Variants in BEST3 observed in about 807,000 individuals in gnomAD.
The protein encoded by BEST3 is bestrophin 3.
BEST3 carries 50 observed loss-of-function variants against 47.1 expected under a neutral mutation model. The ratio of observed to expected loss-of-function variants is 1.06; its 90% CI spans 0.85 to 1.34. BEST3 has a LOEUF of 1.34. Among genes scored for constraint, BEST3 ranks in the 40% most tolerant of loss-of-function variants. The pLI, the probability that BEST3 is intolerant of heterozygous loss-of-function variation, is 0.00. For missense variants in BEST3, 765 were observed against 817.0 expected, an observed-to-expected ratio of 0.94 and a Z score of 0.78; for synonymous variants, 282 against 298.8, an observed-to-expected ratio of 0.94 and a Z score of 0.58.
chr12:69,693,900 A>G lies in BEST3; in HGVS notation c.255T>C (p.Tyr85=), dbSNP rs1398510565. The G allele has an allele frequency of 6.2e-7, 1 of 1,604,768 alleles. No individual in the cohort carries two copies. Among genetic ancestry groups the G allele is most frequent in the East Asian group, 2.2e-5 (1 of 44,680 alleles). The change falls in exon 4 of 10, where the codon TAT becomes TAC. Residue 85 remains tyrosine (Y), a synonymous_variant. Transcript: ENST00000330891. The part of the protein sequence containing the change: ...QIPVTFVLGF[Y]VTLVVNRWWN... ...ACCATCGGTTCACTACCAGAGTAAC[A>G]TAAAACCCTGTAGAATAACAGGAAA...
chr12:69,651,273 C>T (rs966028512), downstream of BEST3, among the ~76,000 whole-genome samples: 7 of 152,166 alleles, frequency 4.6e-5, no homozygotes, highest in Non-Finnish European at 1.0e-4. Flanking sequence ...CCTCCTCTCA[C>T]GATGCCTCAT....
In BEST3 at chr12:69,677,249, A is replaced by G. The variant is rs1455160214; in HGVS notation, c.645T>C (p.Asn215=). 1 of 1,611,532 alleles carries G rather than the reference A, an allele frequency of 6.2e-7. No homozygotes were observed. Among genetic ancestry groups the G allele is most frequent in the East Asian group, 2.2e-5 (1 of 44,774 alleles). ...AGAGGCTGCACCAAGAGCGGTATCG[A>G]TTCATTTCCTAAGCCAGAAACAGAT... is the stretch of plus-strand genomic sequence containing the variant. ...VDLQSLMTEM[N]RYRSWCSLLF... is the part of the protein sequence containing the mutation. The change falls in exon 6 of 10, where the codon AAT becomes AAC. Residue 215 remains asparagine (N), a synonymous_variant. Coordinates refer to ENST00000330891, the MANE Select transcript of BEST3 (RefSeq NM_032735.3).
At chr12:69,669,244 G>C (rs150572960) in intron 9 of BEST3, among the ~76,000 whole-genome samples, 194 of 152,282 alleles carry the variant, frequency 1.3e-3, no homozygotes, top group African/African-American at 4.5e-3. Context: ...TTTTCCTGCA[G>C]TAAATTTTCC....
rs1883402384 is a variant in BEST3 at position 69,655,363 on chromosome 12, G to A, written c.1551C>T (p.Gly517=). ...AAEAPVPTSG[G]YHHDSATSIL... ...TGGAGGTAGCGGAATCATGGTGGTA[G>A]CCCCCTGATGTGGGCACTGGTGCTT... The change falls in exon 10 of 10, where the codon GGC becomes GGT. Residue 517 remains glycine, a synonymous_variant. Transcript: ENST00000330891. The A allele has an allele frequency of 3.1e-6, 5 of 1,614,142 alleles. No individual in the cohort carries two copies. Among genetic ancestry groups the A allele is most frequent in the Non-Finnish European group, 4.2e-6 (5 of 1,180,024 alleles).
At chr12:69,645,655 A>C (rs1280536615) in intron 9 of BEST3, among the ~76,000 whole-genome samples, 1 of 152,196 alleles carries the variant, frequency 6.6e-6, no homozygotes, top group African/African-American at 2.4e-5. Flanking sequence ...TTGAAATTTT[A>C]ATTGTTGTGT....
At chr12:69,670,565 T>C in intron 9 of BEST3, 1 of 702,636 alleles carries the variant, frequency 1.4e-6, no homozygotes, top group South Asian at 1.5e-5. Flanking sequence ...GGAACAGGGT[T>C]GAAGCGAGAT....
At position 69,653,988 on chromosome 12, in the gene BEST3, C is replaced by T. The variant is rs1435755782; in HGVS notation, c.*919G>A. The T allele has an allele frequency of 1.3e-5, 13 of 985,256 alleles. No homozygotes were observed. Among genetic ancestry groups the T allele is most frequent in the Non-Finnish European group, 1.3e-5 (11 of 829,952 alleles). 61.0% of individuals were successfully genotyped at this position (985,256 alleles called of 1,614,324 possible). A position where few individuals can be genotyped will look rare whatever the true frequency, so the allele number is the denominator to read the frequency against. Reference sequence around the variant, plus strand: ...TCTTGGCTTCGTTTTTCTCCAGTGCCCAACACCAAATAGTGGAAGCAGAAA... The same window carrying T: ...TCTTGGCTTCGTTTTTCTCCAGTGCTCAACACCAAATAGTGGAAGCAGAAA... On this transcript the variant is annotated 3_prime_UTR_variant, in exon 10 of 10. Coordinates refer to ENST00000330891, the MANE Select transcript of BEST3 (RefSeq NM_032735.3).
chr12:69,661,563 AG>A (rs1464251831), intron 9 of BEST3: 4 of 152,170 alleles, frequency 2.6e-5, no homozygotes, highest in Non-Finnish European at 4.4e-5. Context: ...AACCCATCTG[AG>A]GCGCATGCGG....
chr12:69,670,473 A>G (rs1884493690), intron 9 of BEST3: 1 of 702,908 alleles, frequency 1.4e-6, no homozygotes, highest in South Asian at 1.5e-5. Context: ...TGGGTCTGGA[A>G]AGGTTTTCAG....
intron 4 of BEST3, among the ~76,000 whole-genome samples, chr12:69,681,189 T>C (rs1056345651): frequency 1.3e-5 from 2 of 152,304 alleles, no homozygotes; most frequent in South Asian, 2.1e-4. Flanking sequence ...AGTTTTTTTT[T>C]CTCAGAAATG....
Position 69,677,135 on chromosome 12 carries a change from G to C in BEST3, c.714+45C>G, listed in dbSNP as rs748436719. 10 of 1,613,004 alleles carry C rather than the reference G, an allele frequency of 6.2e-6. No homozygotes were observed. In the Admixed American group the frequency reaches 8.3e-5, roughly 13 times the overall value. ...TCCCGCAGCGAAGCTACAGTGCCAAGGTAGGCAAGTAGAAATAAAGAATTC... is the reference window on the plus strand; with the variant it reads ...TCCCGCAGCGAAGCTACAGTGCCAACGTAGGCAAGTAGAAATAAAGAATTC... On this transcript the variant is annotated intron_variant, in intron 6 of 9. Transcript: ENST00000330891.
intron 9 of BEST3, among the ~76,000 whole-genome samples, chr12:69,645,499 A>T (rs554897586): frequency 6.6e-6 from 1 of 152,284 alleles, no homozygotes; most frequent in South Asian, 2.1e-4. Flanking sequence ...GAGGTGGTTG[A>T]GTGGTTACGG....
intron 4 of BEST3, among the ~76,000 whole-genome samples, chr12:69,685,859 G>T (rs187249382): frequency 1.3e-5 from 2 of 152,110 alleles, no homozygotes; most frequent in African/African-American, 4.8e-5. Context: ...ACAGAAATGT[G>T]GGGGGAACCT....
intron 4 of BEST3, among the ~76,000 whole-genome samples, 195 bp from the exon 5 acceptor site, chr12:69,679,088 C>T (rs1049553465): frequency 3.3e-5 from 5 of 152,202 alleles, no homozygotes. Context: ...TGCACACACA[C>T]ATACATATAC....
chr12:69,672,149 T>C (rs1175486057), intron 8 of BEST3, among the ~76,000 whole-genome samples: 1 of 152,218 alleles, frequency 6.6e-6, no homozygotes, highest in Non-Finnish European at 1.5e-5. Context: ...CCTCTGGGAT[T>C]CCAATTTTGA....
downstream of BEST3, among the ~76,000 whole-genome samples, chr12:69,651,786 G>GAAAAA (rs5798944): frequency 1.0e-5 from 1 of 97,156 alleles, no homozygotes; most frequent in Non-Finnish European, 2.5e-5. Context: ...AAAAAAAAAA[G>GAAAAA]AAAAAAAAAA....
downstream of BEST3, among the ~76,000 whole-genome samples, chr12:69,649,740 A>G (rs547519807): frequency 1.3e-5 from 2 of 152,348 alleles, no homozygotes; most frequent in South Asian, 2.1e-4. Flanking sequence ...AATACTCCCC[A>G]GCCTGACAAC....
intron 9 of BEST3, among the ~76,000 whole-genome samples, chr12:69,668,119 G>A (rs541467917): frequency 3.2e-4 from 48 of 152,278 alleles, no homozygotes; most frequent in Non-Finnish European, 5.3e-4. Flanking sequence ...CTGGCTGGGA[G>A]GCAGGTCTTC....
intron 4 of BEST3, among the ~76,000 whole-genome samples, chr12:69,681,554 C>T (rs997214058): frequency 1.6e-4 from 25 of 152,138 alleles, no homozygotes; most frequent in African/African-American, 6.0e-4. Context: ...GTGAGGTATG[C>T]CCATTTTTAG....
Sources: gnomAD v4.1 joint callset for allele counts (sites outside exome capture counted in the v4.1 genomes callset) on GRCh38, gnomAD v4.1.1 for gene constraint, MANE v1.5 for transcripts, NCBI Gene and HGNC (gene_info 2026-07-23, HGNC 2026-07-21) for gene names.